The following HIVEP3 variants were observed in gnomAD, a reference collection of about 807,000 sequenced individuals.
HIVEP3 encodes transcription factor HIVEP3.
HIVEP3 carries 49 observed loss-of-function variants against 152.8 expected under a neutral mutation model. The ratio of observed to expected loss-of-function variants is 0.32; its 90% CI spans 0.26 to 0.41. The LOEUF (loss-of-function observed/expected upper bound fraction) is 0.41, where lower values mean the gene tolerates loss of function less well. HIVEP3 is among the 10% of genes least tolerant of loss of function. HIVEP3 has a pLI of 1.00. For missense variants in HIVEP3, 2,790 were observed against 3,103.3 expected (o/e 0.90, Z 2.40); for synonymous variants, 1,269 against 1,289.0 (o/e 0.98, Z 0.33).
At chr1:41,939,005 AC>A (rs925395281) in intron 1 of HIVEP3, among the ~76,000 whole-genome samples, 1 of 152,068 alleles carries the variant, frequency 6.6e-6, no homozygotes, top group Non-Finnish European at 1.5e-5. Context: ...GATCTTTGCC[AC>A]TACCCTGCTT....
intron 1 of HIVEP3, among the ~76,000 whole-genome samples, chr1:41,899,095 C>T (rs1203473224): frequency 6.6e-6 from 1 of 152,204 alleles, no homozygotes; most frequent in African/African-American, 2.4e-5. Flanking sequence ...AAAAATAAAA[C>T]CTCTGCCACT....
In HIVEP3 at chr1:41,686,106, C is replaced by T. The variant is rs538225477; in HGVS notation, c.-721+14810G>A. On this transcript the variant is annotated intron_variant, in intron 2 of 8. Transcript: ENST00000372583. ...GTTTTTTTTGAGATGGAGTCTCACT[C>T]TGTCACCCAGGCTGGAGTGCAGTGG... Among the ~76,000 whole-genome samples, 62 of 152,190 alleles carry T rather than the reference C, an allele frequency of 4.1e-4. No homozygotes were observed. The South Asian group carries it at 0.013, about 31-fold the overall frequency.
intron 1 of HIVEP3, among the ~76,000 whole-genome samples, chr1:41,938,946 A>C (rs552132498): frequency 6.6e-6 from 1 of 152,152 alleles, no homozygotes; most frequent in African/African-American, 2.4e-5. Context: ...ACTTCATCGA[A>C]TATCTAGATC....
intron 2 of HIVEP3, among the ~76,000 whole-genome samples, chr1:41,638,590 G>T (rs1186409729): frequency 6.6e-6 from 1 of 151,834 alleles, no homozygotes; most frequent in Non-Finnish European, 1.5e-5. Context: ...TGATATAAAA[G>T]TGTCTTCTTT....
Position 41,513,832 on chromosome 1 carries a change from GT to G in HIVEP3, c.5471-83del, listed in dbSNP as rs1428416709. The stretch of plus-strand genomic sequence containing the variant: ...CACGGCTGCTCCTCTCTGAGCCCCA[GT>G]TTCCTTGCCTGCTGACTGGGCAAAA... On this transcript the variant is annotated intron_variant, in intron 7 of 8. Transcript: ENST00000372583. The G allele has an allele frequency of 3.3e-6, 4 of 1,226,904 alleles. No homozygotes were observed. The Admixed American group carries it at 1.3e-4, about 41-fold the overall frequency. 76.0% of individuals were successfully genotyped at this position (1,226,904 alleles called of 1,614,324 possible).
At chr1:41,644,403 C>T (rs1645426351) in intron 2 of HIVEP3, among the ~76,000 whole-genome samples, 1 of 152,170 alleles carries the variant, frequency 6.6e-6, no homozygotes. Flanking sequence ...GCCTCAGTTT[C>T]CCCTCCTCTC....
chr1:41,578,357 A>G (rs1429455155), intron 4 of HIVEP3, among the ~76,000 whole-genome samples: 1 of 152,254 alleles, frequency 6.6e-6, no homozygotes, highest in African/African-American at 2.4e-5. Context: ...TTAGCAGGAC[A>G]TTAACACAAA....
chr1:41,634,341 G>A (rs1249858617), intron 2 of HIVEP3, among the ~76,000 whole-genome samples: 1 of 152,136 alleles, frequency 6.6e-6, no homozygotes, highest in Non-Finnish European at 1.5e-5. Context: ...AGAAATCTGT[G>A]TAAAAACTAA....
chr1:41,626,366 C>T (rs967341888), intron 3 of HIVEP3, among the ~76,000 whole-genome samples: 3 of 152,222 alleles, frequency 2.0e-5, no homozygotes, highest in African/African-American at 4.8e-5. Flanking sequence ...AGGGAGAACA[C>T]AGGCAGAGGC....
chr1:41,898,143 T>C (rs1356363422), intron 1 of HIVEP3, among the ~76,000 whole-genome samples: 1 of 152,170 alleles, frequency 6.6e-6, no homozygotes, highest in Non-Finnish European at 1.5e-5. Context: ...AAATATTGGT[T>C]TCATCTATTT....
intron 1 of HIVEP3, among the ~76,000 whole-genome samples, chr1:41,726,515 C>T (rs1030699145): frequency 2.0e-5 from 3 of 152,148 alleles, no homozygotes; most frequent in African/African-American, 4.8e-5. Context: ...TCCTTTTGAG[C>T]GTGGAGGGGT....
At chr1:41,545,578 C>CCACCAT (rs1301533846) in intron 5 of HIVEP3, among the ~76,000 whole-genome samples, 3 of 127,366 alleles carry the variant, frequency 2.4e-5, no homozygotes, top group African/African-American at 9.0e-5. Context: ...ACCACCACCA[C>CCACCAT]CACCATCACC....
chr1:41,545,619 A>G, intron 5 of HIVEP3, among the ~76,000 whole-genome samples: 1 of 129,924 alleles, frequency 7.7e-6, no homozygotes, highest in East Asian at 2.7e-4. Flanking sequence ...CACCACCACT[A>G]CCATCACCAC....
intron 1 of HIVEP3, among the ~76,000 whole-genome samples, chr1:41,942,500 C>T (rs1296192373): frequency 1.3e-5 from 2 of 152,218 alleles, no homozygotes; most frequent in African/African-American, 4.8e-5. Flanking sequence ...CAGAGACTTG[C>T]ATGCATTGTT....
intron 1 of HIVEP3, among the ~76,000 whole-genome samples, chr1:41,906,652 G>A (rs990049991): frequency 6.6e-6 from 1 of 152,020 alleles, no homozygotes; most frequent in African/African-American, 2.4e-5. Flanking sequence ...TCATTAAATT[G>A]TACACTTCAA....
chr1:41,580,725 A>G lies in HIVEP3; in HGVS notation c.4073T>C (p.Phe1358Ser). Residue 1358 changes from phenylalanine to serine, a missense_variant, in exon 4 of 9, where the codon TTT becomes TCT. By Grantham distance (155) the Phe-to-Ser change is radical. Around this residue, in one of 9 missense-constraint regions of HIVEP3, gnomAD observed 1,078 missense variants for 1,165.3 expected, o/e 0.93. Transcript: ENST00000372583. Reference sequence around the variant, plus strand: ...CGTCCCCTTTGATGGGGGTTCCTCAAACTTGGGAAGTGCCACAGTTGCTGA... The same window carrying G: ...CGTCCCCTTTGATGGGGGTTCCTCAGACTTGGGAAGTGCCACAGTTGCTGA... The part of the protein sequence containing the change: ...GSSATVALPK[F>S]EEPPSKGTTV... 2 of 1,593,246 alleles carry G rather than the reference A, an allele frequency of 1.3e-6. No individual in the cohort carries two copies. Among genetic ancestry groups the G allele is most frequent in the Non-Finnish European group, 1.7e-6 (2 of 1,169,930 alleles).
chr1:41,808,259 C>A (rs1216999323), intron 1 of HIVEP3, among the ~76,000 whole-genome samples: 1 of 152,244 alleles, frequency 6.6e-6, no homozygotes, highest in Non-Finnish European at 1.5e-5. Flanking sequence ...GCATGCTCTC[C>A]TGACCACTCA....
chr1:41,745,998 CA>C (rs777991059), intron 1 of HIVEP3, among the ~76,000 whole-genome samples: 21 of 152,172 alleles, frequency 1.4e-4, no homozygotes, highest in Non-Finnish European at 2.6e-4. Context: ...ATGGCTAAGT[CA>C]CAAAGCACCA....
intron 1 of HIVEP3, among the ~76,000 whole-genome samples, chr1:41,954,883 C>A (rs1645131519): frequency 6.6e-6 from 1 of 152,054 alleles, no homozygotes; most frequent in East Asian, 1.9e-4. Context: ...GAAATGGTTC[C>A]ACAAGCTTGG....
Sources: gnomAD v4.1 joint callset for allele counts (sites outside exome capture counted in the v4.1 genomes callset) on GRCh38, gnomAD v4.1.1 for gene constraint, gnomAD v4.1.1 regional missense constraint, MANE v1.5 for transcripts, NCBI Gene and HGNC (gene_info 2026-07-23, HGNC 2026-07-21) for gene names.